Variants in NLRP8 observed in about 807,000 individuals in gnomAD.
NLRP8 encodes NACHT, LRR and PYD domains-containing protein 8.
Under a neutral mutation model 88.7 loss-of-function variants are expected in NLRP8, and 86 were observed. That is an observed-to-expected ratio of 0.97 (90% confidence interval 0.81 to 1.16). NLRP8 has a LOEUF of 1.16. Ranked by LOEUF, NLRP8 falls within the 50% of genes most tolerant of loss-of-function variation. The pLI is 0.00. For missense variants in NLRP8, 1,342 were observed against 1,286.5 expected (o/e 1.04, Z -0.66); for synonymous variants, 504 against 494.6 (o/e 1.02, Z -0.25).
chr19:55,969,821 A>G (rs932571251), intron 5 of NLRP8, among the ~76,000 whole-genome samples: 1 of 152,200 alleles, frequency 6.6e-6, no homozygotes, highest in Non-Finnish European at 1.5e-5. Context: ...TTTCTTGCAC[A>G]GAACAGAAAG....
intron 3 of NLRP8, among the ~76,000 whole-genome samples, chr19:55,956,723 A>G (rs2123191804): frequency 6.6e-6 from 1 of 152,268 alleles, no homozygotes; most frequent in South Asian, 2.1e-4. Context: ...ATACTGGGCA[A>G]AATGAGATCC....
rs201956516 is a variant in NLRP8 at position 55,973,861 on chromosome 19, G to A, written c.2705+39G>A. On this transcript the variant is annotated intron_variant, in intron 7 of 9. Coordinates refer to ENST00000291971, the MANE Select transcript of NLRP8 (RefSeq NM_176811.2). ...TGTTTTCTTCTCTGAATTCCCTGGA[G>A]CAGAACAGGGTGATGAAGAGAACCT... 1.0e-3 allele frequency: 1,654 copies of A among 1,580,536 alleles called. 1 individual carries two copies. The highest frequency in any genetic ancestry group is 1.1e-3 in the Non-Finnish European group (1,326 of 1,156,968).
intron 3 of NLRP8, among the ~76,000 whole-genome samples, chr19:55,957,767 A>AT (rs1979444802): frequency 6.7e-6 from 1 of 148,648 alleles, no homozygotes; most frequent in Non-Finnish European, 1.5e-5. Context: ...AACACACTGA[A>AT]TAAGTCCAGT....
At chr19:55,973,557 G>A in intron 6 of NLRP8, 95 bp from the exon 7 acceptor site, 3 of 1,165,470 alleles carry the variant, frequency 2.6e-6, no homozygotes, top group Non-Finnish European at 3.6e-6. Flanking sequence ...GGATGCTTCT[G>A]CATCCAGAGG....
chr19:55,986,506 AC>A (rs1568472085), intron 9 of NLRP8, among the ~76,000 whole-genome samples: 7 of 151,000 alleles, frequency 4.6e-5, no homozygotes, highest in African/African-American at 1.5e-4. Flanking sequence ...ACACACACAC[AC>A]ACTAATTGCT....
chr19:55,971,024 C>T (rs1029210464), intron 6 of NLRP8, among the ~76,000 whole-genome samples: 1 of 152,104 alleles, frequency 6.6e-6, no homozygotes, highest in Non-Finnish European at 1.5e-5. Flanking sequence ...GACCCTGCCC[C>T]CGACCCCACT....
At chr19:55,951,786 A>G (rs150263720) in intron 1 of NLRP8, among the ~76,000 whole-genome samples, 60 of 152,260 alleles carry the variant, frequency 3.9e-4, no homozygotes, top group African/African-American at 1.3e-3. Context: ...GTCTTACTCT[A>G]TTACCCAGGT....
At chr19:55,973,943 G>A in intron 7 of NLRP8, 121 bp downstream of exon 7, 1 of 903,360 alleles carries the variant, frequency 1.1e-6, no homozygotes, top group Admixed American at 2.9e-5. Context: ...GTTAGGCATG[G>A]TGCTAGCACT....
At position 55,970,675 on chromosome 19, in the gene NLRP8, T is replaced by C. The variant is rs1381810333; in HGVS notation, c.2513T>C (p.Val838Ala). Reference sequence around the variant, plus strand: ...AACTGTGGGGCGTATTACCTGTCTGTGGCCCAGCTGGAGAGGCTGTCGTAA... The same window carrying C: ...AACTGTGGGGCGTATTACCTGTCTGCGGCCCAGCTGGAGAGGCTGTCGTAA... Residue 838 changes from valine (V) to alanine (A), a missense_variant, in exon 6 of 10, where the codon GTG (valine) becomes GCG (alanine). Coordinates refer to ENST00000291971, the MANE Select transcript of NLRP8 (RefSeq NM_176811.2). 1.2e-5 allele frequency: 20 copies of C among 1,614,108 alleles called. No homozygotes were observed. Among genetic ancestry groups the C allele is most frequent in the Non-Finnish European group, 1.6e-5 (19 of 1,180,002 alleles).
Position 55,954,892 on chromosome 19 carries a change from C to G in NLRP8, c.834C>G (p.Pro278=). 5 of 1,614,136 alleles carry G rather than the reference C, an allele frequency of 3.1e-6. No individual in the cohort carries two copies. The highest frequency in any genetic ancestry group is 4.2e-6 in the Non-Finnish European group (5 of 1,180,028). Residue 278 remains proline, a synonymous_variant, in exon 3 of 10, where the codon CCC becomes CCG. Coordinates refer to ENST00000291971, the MANE Select transcript of NLRP8 (RefSeq NM_176811.2). ...TCGTGTCAAAGATTATGTCCAAACC[C>G]GACCAACTTCTGCTGCTCTTGGATG... is the stretch of plus-strand genomic sequence containing the variant.
rs1312736723 is a variant in NLRP8, at chr19:55,955,109, C to G, written c.1051C>G (p.Leu351Val). Residue 351 changes from leucine to valine, a missense_variant, in exon 3 of 10, where the codon CTC becomes GTC. Physicochemically the swap from Leu to Val is conservative, Grantham distance 32 (BLOSUM62 1). Transcript: ENST00000291971. ...CAAGCCCTTGCTGAAATGTCCCTCT[C>G]TCGTAACCCTTCCGGGGTTTAATAC... The G allele has an allele frequency of 1.2e-6, 2 of 1,614,114 alleles. 1 individual carries two copies. The highest frequency in any genetic ancestry group is 2.2e-5 in the South Asian group (2 of 91,084).
At chr19:55,970,161 T>C (rs1279599802) in intron 5 of NLRP8, among the ~76,000 whole-genome samples, 2 of 152,246 alleles carry the variant, frequency 1.3e-5, no homozygotes, top group Non-Finnish European at 2.9e-5. Context: ...GGTGAGATGA[T>C]GGATGTATTA....
intron 1 of NLRP8, among the ~76,000 whole-genome samples, chr19:55,950,457 G>A (rs1171493468): frequency 5.3e-5 from 8 of 151,640 alleles, no homozygotes; most frequent in South Asian, 4.2e-4. Context: ...AGAGACACAC[G>A]TACGCAGTTG....
intron 2 of NLRP8, 23 bp downstream of exon 2, chr19:55,952,635 A>G: frequency 1.2e-6 from 2 of 1,604,598 alleles, no homozygotes; most frequent in Non-Finnish European, 8.5e-7. Flanking sequence ...ATCACAGCAG[A>G]CCCTGGTGAA....
At position 55,988,436 on chromosome 19, in the gene NLRP8, GTGTGTGTGTATATATA is replaced by G. The variant is rs1236954243; in HGVS notation, c.*525_*540del. 3 of 93,430 alleles carry G rather than the reference GTGTGTGTGTATATATA, an allele frequency of 3.2e-5. No homozygotes were observed. Among genetic ancestry groups the G allele is most frequent in the African/African-American group, 1.3e-4 (3 of 23,956 alleles). 5.8% of individuals were successfully genotyped at this position (93,430 alleles called of 1,614,324 possible). ...TACATATACACATAAATATATATAT[GTGTGTGTGTATATATA>G]TATATATATATATATATGCTATATA... On this transcript the variant is annotated 3_prime_UTR_variant, in exon 10 of 10. Coordinates refer to ENST00000291971, the MANE Select transcript of NLRP8 (RefSeq NM_176811.2).
intron 7 of NLRP8, among the ~76,000 whole-genome samples, chr19:55,975,395 C>A (rs2048173145): frequency 1.3e-5 from 2 of 152,194 alleles, no homozygotes; most frequent in African/African-American, 4.8e-5. Context: ...GAAGCACAGA[C>A]TTAATCCGTG....
rs1175040752 is a variant in NLRP8 at position 55,973,807 on chromosome 19, C to T, written c.2690C>T (p.Pro897Leu). The T allele has an allele frequency of 3.1e-6, 5 of 1,612,996 alleles. No homozygotes were observed. The highest frequency in any genetic ancestry group is 1.3e-5 in the African/African-American group (1 of 74,926). ...AATGCCCTGCCACACCTGAGATGTC[C>T]TCTGCAGAGGCTGGTGTAAGTCCCA... is the stretch of plus-strand genomic sequence containing the variant. The change falls in exon 7 of 10, where the codon CCT becomes CTT. Residue 897 changes from proline to leucine, a missense_variant. Coordinates refer to ENST00000291971, the MANE Select transcript of NLRP8 (RefSeq NM_176811.2).
chr19:55,981,404 C>T (rs1980567925), intron 9 of NLRP8, among the ~76,000 whole-genome samples: 1 of 152,112 alleles, frequency 6.6e-6, no homozygotes, highest in Non-Finnish European at 1.5e-5. Context: ...GCATTGGGGG[C>T]ACCAAGGTAA....
intron 8 of NLRP8, among the ~76,000 whole-genome samples, chr19:55,976,941 G>A (rs888350706): frequency 7.7e-4 from 116 of 149,768 alleles, no homozygotes; most frequent in Non-Finnish European, 1.5e-3. Flanking sequence ...TTAGCTGGGC[G>A]TGGTGGTGGG....
Sources: gnomAD v4.1 joint callset for allele counts (sites outside exome capture counted in the v4.1 genomes callset) on GRCh38, gnomAD v4.1.1 for gene constraint, MANE v1.5 for transcripts, NCBI Gene and HGNC (gene_info 2026-07-23, HGNC 2026-07-21) for gene names.